ELOVL6: variants seen among roughly 807,000 people sequenced by gnomAD.
ELOVL6 encodes the protein ELOVL fatty acid elongase 6.
In ELOVL6, 8 loss-of-function variants were observed where a neutral mutation model predicts 31.7. The observed-to-expected ratio is 0.25, with a 90% CI of 0.15 to 0.45. The LOEUF (loss-of-function observed/expected upper bound fraction) is 0.45, where lower values mean the gene tolerates loss of function less well. ELOVL6 is among the 20% of genes least tolerant of loss of function. The probability of loss-of-function intolerance (pLI) is 1.00; values close to 1 mark genes in which losing one functional copy is unlikely to be tolerated. For missense variants in ELOVL6, 126 were observed against 326.4 expected (o/e 0.39, Z 4.73); for synonymous variants, 101 against 117.7 (o/e 0.86, Z 0.92).
chr4:110,050,525 A>C lies in ELOVL6; in HGVS notation c.*813T>G, dbSNP rs1754812115. The C allele has an allele frequency of 6.6e-6, 1 of 152,232 alleles. No individual in the cohort carries two copies. The highest frequency in any genetic ancestry group is 2.4e-5 in the African/African-American group (1 of 41,454). The allele number at this position is 152,232 out of a possible 1,614,324, so 9.4% of individuals were successfully genotyped here. A position where few individuals can be genotyped will look rare whatever the true frequency, so the allele number is the denominator to read the frequency against. Reference sequence around the variant, plus strand: ...TCAAAAGCCCGGGGCAACTGAACAAAAGGATAATGCTTCATATCTCACTTA... The same window carrying C: ...TCAAAAGCCCGGGGCAACTGAACAACAGGATAATGCTTCATATCTCACTTA... On this transcript the variant is annotated 3_prime_UTR_variant, in exon 4 of 4. Transcript: ENST00000302274.
At position 110,117,903 on chromosome 4, in the gene ELOVL6, A is replaced by AAAAAAAAAAAATT; in HGVS notation, c.90-12276_90-12275insAATTTTTTTTTTT. ...TCTCAAAAAAAAAAAAAAAAAAAAA[A>AAAAAAAAAAAATT]ATATATATATATATATATATATCTC... On this transcript the variant is annotated intron_variant, in intron 1 of 3. Coordinates refer to ENST00000302274, the MANE Select transcript of ELOVL6 (RefSeq NM_024090.3). The AAAAAAAAAAAATT allele has an allele frequency of 1.2e-3, 8 of 6,506 alleles. 1 individual carries two copies. The highest frequency in any genetic ancestry group is 2.6e-3 in the African/African-American group (8 of 3,066). 0.4% of individuals were successfully genotyped at this position (6,506 alleles called of 1,614,324 possible). A position where few individuals can be genotyped will look rare whatever the true frequency, so the allele number is the denominator to read the frequency against.
At chr4:110,182,135 G>A (rs1454740870) in intron 1 of ELOVL6, among the ~76,000 whole-genome samples, 4 of 152,106 alleles carry the variant, frequency 2.6e-5, no homozygotes. Flanking sequence ...TGTCCCTGGG[G>A]AACCTTTGTC....
chr4:110,103,915 T>C (rs1488319570), intron 2 of ELOVL6, among the ~76,000 whole-genome samples: 2 of 152,230 alleles, frequency 1.3e-5, no homozygotes, highest in African/African-American at 4.8e-5. Context: ...CTGTGTTTGC[T>C]TTTAAAGAGT....
At chr4:110,115,402 C>G (rs368659805) in intron 1 of ELOVL6, among the ~76,000 whole-genome samples, 4 of 152,178 alleles carry the variant, frequency 2.6e-5, no homozygotes, top group African/African-American at 9.6e-5. Flanking sequence ...ATGAGATTAT[C>G]ACCCGATTAC....
intron 1 of ELOVL6, among the ~76,000 whole-genome samples, chr4:110,107,178 T>C (rs1180244671): frequency 6.6e-6 from 1 of 152,212 alleles, no homozygotes; most frequent in Non-Finnish European, 1.5e-5. Context: ...AGCTTTCCTA[T>C]GTAAATGAAT....
intron 1 of ELOVL6, among the ~76,000 whole-genome samples, chr4:110,158,467 C>A (rs953269105): frequency 4.8e-5 from 7 of 146,338 alleles, no homozygotes; most frequent in African/African-American, 1.7e-4. Context: ...CACTCATTAA[C>A]ATTTTTCTGT....
intron 2 of ELOVL6, among the ~76,000 whole-genome samples, chr4:110,064,774 TA>T (rs1386620859): frequency 2.0e-5 from 3 of 152,182 alleles, no homozygotes; most frequent in Admixed American, 6.5e-5. Flanking sequence ...AGACGTGAGC[TA>T]CTGCACCTGG....
chr4:110,129,093 A>G (rs1250826981), intron 1 of ELOVL6, among the ~76,000 whole-genome samples: 1 of 152,256 alleles, frequency 6.6e-6, no homozygotes, highest in Admixed American at 6.5e-5. Flanking sequence ...TTTAGTCCAG[A>G]AAAATTATGT....
At chr4:110,167,653 T>G (rs113336596) in intron 1 of ELOVL6, among the ~76,000 whole-genome samples, 9 of 139,622 alleles carry the variant, frequency 6.4e-5, no homozygotes, top group Non-Finnish European at 9.3e-5. Context: ...ACCACCTCAG[T>G]TATGTATGTA....
intron 1 of ELOVL6, among the ~76,000 whole-genome samples, chr4:110,110,961 T>G (rs1757017215): frequency 6.6e-6 from 1 of 152,162 alleles, no homozygotes; most frequent in African/African-American, 2.4e-5. Flanking sequence ...GATACTAATT[T>G]AGAGATCACA....
rs72900518 is a variant in ELOVL6, at chr4:110,136,203, T to C, written c.90-30575A>G. Among the ~76,000 whole-genome samples the C allele has an allele frequency of 4.6e-3, 695 of 152,316 alleles. 2 individuals are homozygous for C. Among genetic ancestry groups the C allele is most frequent in the African/African-American group, 0.016 (673 of 41,568 alleles). On this transcript the variant is annotated intron_variant, in intron 1 of 3. Coordinates refer to ENST00000302274, the MANE Select transcript of ELOVL6 (RefSeq NM_024090.3). ...ATTTCACTTTTTGACATATCATGAG[T>C]GACTCAAATGTTTGCCCTTGAGTCG...
At position 110,084,169 on chromosome 4, in the gene ELOVL6, A is replaced by ATATATAACATAACT. The variant is rs1756060304; in HGVS notation, c.221+21327_221+21328insAGTTATGTTATATA. On this transcript the variant is annotated intron_variant, in intron 2 of 3. Transcript: ENST00000302274. ...ATGATATATATAACATATATGTGATATATATGATATATATAACATATAACT... is the reference window on the plus strand; with the variant it reads ...ATGATATATATAACATATATGTGATATATATAACATAACTTATATGATATATATAACATATAACT... 2.3e-4 allele frequency among the ~76,000 whole-genome samples: 10 copies of ATATATAACATAACT among 43,092 alleles called. 2 individuals are homozygous for ATATATAACATAACT. The highest frequency in any genetic ancestry group is 1.6e-3 in the African/African-American group (10 of 6,320). 28.3% of individuals were successfully genotyped at this position (43,092 alleles called of 152,430 possible). A position where few individuals can be genotyped will look rare whatever the true frequency, so the allele number is the denominator to read the frequency against.
At chr4:110,084,146 GAT>G (rs1181726024) in intron 2 of ELOVL6, among the ~76,000 whole-genome samples, 688 of 64,756 alleles carry the variant, frequency 0.011, 87 homozygotes, top group Middle Eastern at 0.031. Flanking sequence ...TGATATATAT[GAT>G]ATATATAACA....
chr4:110,084,561 C>CTTT (rs1560815762), intron 2 of ELOVL6, among the ~76,000 whole-genome samples: 5 of 61,194 alleles, frequency 8.2e-5, no homozygotes, highest in South Asian at 5.7e-4. Flanking sequence ...CACACACACA[C>CTTT]AGATATATAT....
chr4:110,181,446 C>CTAAA lies in ELOVL6; in HGVS notation c.89+16797_89+16800dup, dbSNP rs1292738924. 3.3e-5 allele frequency among the ~76,000 whole-genome samples: 5 copies of CTAAA among 151,912 alleles called. No homozygotes were observed. The East Asian group carries it at 5.8e-4, about 18-fold the overall frequency. ...CTGAGTGACTAGAGTGAGACCCTGT[C>CTAAA]TAAATAAATAAATAAATAAAGTTAA... On this transcript the variant is annotated intron_variant, in intron 1 of 3. Transcript: ENST00000302274.
intron 2 of ELOVL6, among the ~76,000 whole-genome samples, chr4:110,097,997 G>A (rs1183584044): frequency 6.6e-6 from 1 of 151,978 alleles, no homozygotes; most frequent in Non-Finnish European, 1.5e-5. Context: ...TTACATTTTC[G>A]AGTAGGCTAA....
At chr4:110,178,285 C>T (rs755174240) in intron 1 of ELOVL6, among the ~76,000 whole-genome samples, 6 of 152,126 alleles carry the variant, frequency 3.9e-5, no homozygotes, top group African/African-American at 9.7e-5. Flanking sequence ...CAGTGGCTCA[C>T]GACTATAATT....
chr4:110,184,090 T>C (rs1195329946), intron 1 of ELOVL6, among the ~76,000 whole-genome samples: 2 of 152,210 alleles, frequency 1.3e-5, no homozygotes, highest in African/African-American at 2.4e-5. Context: ...ACAGTTAGCA[T>C]GGATTCACTG....
chr4:110,051,807 A>G lies in ELOVL6; in HGVS notation c.374-45T>C, dbSNP rs1578439309. 2 of 1,527,886 alleles carry G rather than the reference A, an allele frequency of 1.3e-6. No homozygotes were observed. The highest frequency in any genetic ancestry group is 1.8e-6 in the Non-Finnish European group (2 of 1,118,328). 94.6% of individuals were successfully genotyped at this position (1,527,886 alleles called of 1,614,324 possible). On this transcript the variant is annotated intron_variant, in intron 3 of 3. Coordinates refer to ENST00000302274, the MANE Select transcript of ELOVL6 (RefSeq NM_024090.3). The surrounding 1 kb of genome is among the most constrained non-coding windows in gnomAD (Gnocchi z 4.8). ...AAGGTACGTGAGATCCTTGACCACC[A>G]GTAACGATGACTTACAGTTTTGTAA...
Sources: gnomAD v4.1 joint callset for allele counts (sites outside exome capture counted in the v4.1 genomes callset) on GRCh38, gnomAD v4.1.1 for gene constraint, Gnocchi (gnomAD v3.1) non-coding constraint, MANE v1.5 for transcripts, NCBI Gene and HGNC (gene_info 2026-07-23, HGNC 2026-07-21) for gene names.